The following AKAP6 variants were observed in gnomAD, a reference collection of about 807,000 sequenced individuals.
AKAP6 encodes A-kinase anchoring protein 6.
AKAP6 carries 58 observed loss-of-function variants against 188.5 expected under a neutral mutation model. The observed-to-expected ratio is 0.31, with a 90% CI of 0.25 to 0.38. The LOEUF is 0.38. Ranked by LOEUF, AKAP6 falls within the 10% of genes least tolerant of loss-of-function variation. The pLI is 1.00. For missense variants in AKAP6, 2,710 were observed against 2,740.0 expected (o/e 0.99, Z 0.24); for synonymous variants, 989 against 998.6 (o/e 0.99, Z 0.18).
At chr14:32,811,960 T>A (rs1347513592) in intron 12 of AKAP6, among the ~76,000 whole-genome samples, 2 of 152,214 alleles carry the variant, frequency 1.3e-5, no homozygotes, top group African/African-American at 2.4e-5. Context: ...CACCTTCTCT[T>A]TTCTACCAAT....
At chr14:32,364,971 C>A (rs1887784918) in intron 1 of AKAP6, among the ~76,000 whole-genome samples, 1 of 152,126 alleles carries the variant, frequency 6.6e-6, no homozygotes, top group Admixed American at 6.6e-5. Flanking sequence ...TAGAAATTAG[C>A]TAGAACCTAG....
intron 1 of AKAP6, among the ~76,000 whole-genome samples, chr14:32,356,122 G>T (rs1453847539): frequency 6.6e-6 from 1 of 152,102 alleles, no homozygotes; most frequent in Non-Finnish European, 1.5e-5. Flanking sequence ...TCTTTGAATT[G>T]TTTCCTGTAT....
chr14:32,597,516 T>G (rs1396182514), intron 5 of AKAP6, among the ~76,000 whole-genome samples: 1 of 152,166 alleles, frequency 6.6e-6, no homozygotes, highest in Non-Finnish European at 1.5e-5. Context: ...TGCAGGCACG[T>G]TTTGACTATA....
At chr14:32,710,561 C>A (rs773835580) in intron 9 of AKAP6, among the ~76,000 whole-genome samples, 3 of 151,760 alleles carry the variant, frequency 2.0e-5, no homozygotes, top group Non-Finnish European at 4.4e-5. Context: ...GCAGCCTCTG[C>A]AAGATAAATG....
At chr14:32,502,333 G>T (rs1880647302) in intron 2 of AKAP6, among the ~76,000 whole-genome samples, 1 of 152,054 alleles carries the variant, frequency 6.6e-6, no homozygotes, top group South Asian at 2.1e-4. Flanking sequence ...GCTCTCCATG[G>T]ATTACTGATT....
In AKAP6 at chr14:32,600,785, G is replaced by A; in HGVS notation, c.2723G>A (p.Ser908Asn). The change falls in exon 7 of 14, where the codon AGC becomes AAC. Residue 908 changes from serine to asparagine, a missense_variant. Around this residue, in one of 2 missense-constraint regions of AKAP6, gnomAD observed 2,473 missense variants for 2,426.1 expected, o/e 1.02. Coordinates refer to ENST00000280979, the MANE Select transcript of AKAP6 (RefSeq NM_004274.5). Reference sequence around the variant, plus strand: ...GTGGAGGATGAGGAAGGGACTGGAAGCCCCAAGGTAAGTGGCTTGAAGTTT... The same window carrying A: ...GTGGAGGATGAGGAAGGGACTGGAAACCCCAAGGTAAGTGGCTTGAAGTTT... The part of the protein sequence containing the change: ...VSVEDEEGTG[S>N]PKAEVQLCYL... 10 of 1,604,850 alleles carry A rather than the reference G, an allele frequency of 6.2e-6. No homozygotes were observed. Among genetic ancestry groups the A allele is most frequent in the Non-Finnish European group, 8.5e-6 (10 of 1,175,824 alleles).
intron 7 of AKAP6, among the ~76,000 whole-genome samples, chr14:32,610,304 A>G (rs193278646): frequency 2.0e-5 from 3 of 152,262 alleles, no homozygotes; most frequent in East Asian, 1.9e-4. Context: ...ATTTGTGTCA[A>G]TGTTTTATTT....
chr14:32,510,419 TATATAC>T (rs1251247581), intron 2 of AKAP6, among the ~76,000 whole-genome samples: 1 of 105,762 alleles, frequency 9.5e-6, no homozygotes, highest in Non-Finnish European at 1.9e-5. Flanking sequence ...TATATGTATA[TATATAC>T]ATATATATAT....
In AKAP6 at chr14:32,836,781, ATGGCTC is replaced by A. The variant is rs2034880000; in HGVS notation, c.*6977_*6982del. On this transcript the variant is annotated 3_prime_UTR_variant, in exon 14 of 14. Coordinates refer to ENST00000280979, the MANE Select transcript of AKAP6 (RefSeq NM_004274.5). ...AATGAGGTGCTCCCAAACCTGGGAG[ATGGCTC>A]CCAAAGAACAAGAGAATCAACCCCA... The A allele has an allele frequency of 6.6e-6, 1 of 152,146 alleles. No homozygotes were observed. Among genetic ancestry groups the A allele is most frequent in the Non-Finnish European group, 1.5e-5 (1 of 68,040 alleles). The allele number at this position is 152,146 out of a possible 1,614,324, so 9.4% of individuals were successfully genotyped here.
At position 32,741,819 on chromosome 14, in the gene AKAP6, GTTTTTTTT is replaced by G. The variant is rs34015837; in HGVS notation, c.3372+5955_3372+5962del. On this transcript the variant is annotated intron_variant, in intron 11 of 13. Transcript: ENST00000280979. ...ATTTATCAGAGATATTAGCCTGTAG[GTTTTTTTT>G]TTTTTTTTTTTTTTTTTAGTGCGTC... Among the ~76,000 whole-genome samples the G allele has an allele frequency of 7.1e-5, 5 of 70,684 alleles. 1 individual carries two copies. Among genetic ancestry groups the G allele is most frequent in the African/African-American group, 2.7e-4 (5 of 18,556 alleles). The allele number at this position is 70,684 out of a possible 152,430, so 46.4% of individuals were successfully genotyped here.
intron 2 of AKAP6, among the ~76,000 whole-genome samples, chr14:32,474,895 C>T (rs1878976960): frequency 6.6e-6 from 1 of 152,192 alleles, no homozygotes; most frequent in African/African-American, 2.4e-5. Context: ...GATGAAAATT[C>T]TAACCTACCA....
intron 7 of AKAP6, among the ~76,000 whole-genome samples, chr14:32,656,075 A>G (rs1182472520): frequency 6.6e-6 from 1 of 152,196 alleles, no homozygotes; most frequent in African/African-American, 2.4e-5. Flanking sequence ...TGATAAAGTA[A>G]GTATTAAAAG....
At chr14:32,533,954 G>T (rs1231796332) in intron 2 of AKAP6, among the ~76,000 whole-genome samples, 7 of 152,086 alleles carry the variant, frequency 4.6e-5, no homozygotes, top group African/African-American at 1.7e-4. Flanking sequence ...TTAAACTTTT[G>T]CTCTGTTTCA....
chr14:32,690,591 TG>T (rs2139679515), intron 8 of AKAP6, among the ~76,000 whole-genome samples: 1 of 152,124 alleles, frequency 6.6e-6, no homozygotes, highest in East Asian at 1.9e-4. Flanking sequence ...AGTAAAATGG[TG>T]GGTAAGATGT....
At chr14:32,705,715 A>T (rs1890787133) in intron 9 of AKAP6, among the ~76,000 whole-genome samples, 1 of 152,152 alleles carries the variant, frequency 6.6e-6, no homozygotes, top group African/African-American at 2.4e-5. Context: ...AAGATAACAA[A>T]TATGCCCCAA....
At chr14:32,663,766 G>C (rs1888803321) in intron 7 of AKAP6, among the ~76,000 whole-genome samples, 8 of 152,100 alleles carry the variant, frequency 5.3e-5, no homozygotes, top group Admixed American at 5.2e-4. Flanking sequence ...AGTCCTGGAA[G>C]ACTCAGATAC....
At chr14:32,649,106 A>G (rs549765760) in intron 7 of AKAP6, among the ~76,000 whole-genome samples, 1 of 152,244 alleles carries the variant, frequency 6.6e-6, no homozygotes, top group African/African-American at 2.4e-5. Flanking sequence ...ATAGAGATTC[A>G]ATCTAATTTA....
intron 7 of AKAP6, among the ~76,000 whole-genome samples, chr14:32,616,098 A>C (rs190574744): frequency 6.6e-6 from 1 of 152,330 alleles, no homozygotes; most frequent in East Asian, 1.9e-4. Flanking sequence ...AAAGACAAAA[A>C]ATAACAGATG....
intron 11 of AKAP6, among the ~76,000 whole-genome samples, chr14:32,756,093 G>A (rs1362619929): frequency 6.6e-6 from 1 of 152,154 alleles, no homozygotes; most frequent in African/African-American, 2.4e-5. Flanking sequence ...GGGTGGGCTT[G>A]GCACCTGGAT....
Sources: allele counts gnomAD v4.1 joint callset (sites outside exome capture counted in the v4.1 genomes callset), GRCh38; gene constraint gnomAD v4.1.1; regional missense constraint gnomAD v4.1.1; transcripts MANE v1.5; gene names NCBI Gene and HGNC (gene_info 2026-07-23, HGNC 2026-07-21).